CA13: variants seen among roughly 807,000 people sequenced by gnomAD.
CA13 encodes CA-XIII.
In CA13, 21 loss-of-function variants were observed where a neutral mutation model predicts 31.5. That is an observed-to-expected ratio of 0.67 (90% CI 0.47 to 0.96). The LOEUF (loss-of-function observed/expected upper bound fraction) is 0.96. CA13 is among the 40% of genes least tolerant of loss of function. The pLI, the probability that CA13 is intolerant of heterozygous loss-of-function variation, is 0.00. For missense variants in CA13, 315 were observed against 318.9 expected (o/e 0.99, Z 0.09); for synonymous variants, 117 against 111.4 (o/e 1.05, Z -0.32).
At chr8:85,275,642 C>A (rs1807591600) in intron 6 of CA13, among the ~76,000 whole-genome samples, 1 of 152,122 alleles carries the variant, frequency 6.6e-6, no homozygotes, top group African/African-American at 2.4e-5. Context: ...CTCTTTGTAT[C>A]CTCTAGCACT....
At position 85,277,526 on chromosome 8, in the gene CA13, A is replaced by G. The variant is rs1807631378; in HGVS notation, c.670-3704A>G. On this transcript the variant is annotated intron_variant, in intron 6 of 6. Transcript: ENST00000321764. ...GGTCCACAGCTTCATTCTTGAAGTC[A>G]GTGAGACCAAGAACCCACCAATTCC... is the stretch of plus-strand genomic sequence containing the variant. Among the ~76,000 whole-genome samples, 3 of 152,176 alleles carry G rather than the reference A, an allele frequency of 2.0e-5. No individual in the cohort carries two copies. In the South Asian group the frequency reaches 6.2e-4, roughly 32 times the overall value.
At chr8:85,262,417 G>C (rs1227393101) in intron 3 of CA13, among the ~76,000 whole-genome samples, 1 of 152,122 alleles carries the variant, frequency 6.6e-6, no homozygotes, top group Non-Finnish European at 1.5e-5. Flanking sequence ...GACAGCAGTG[G>C]TTTTGCATAA....
intron 2 of CA13, among the ~76,000 whole-genome samples, chr8:85,255,346 T>A (rs910250837): frequency 1.3e-5 from 2 of 151,566 alleles, no homozygotes; most frequent in African/African-American, 4.9e-5. Context: ...CACTACAACC[T>A]CTGCCTCCTG....
chr8:85,278,479 G>A (rs1433037035), intron 6 of CA13, among the ~76,000 whole-genome samples: 2 of 152,130 alleles, frequency 1.3e-5, no homozygotes, highest in African/African-American at 4.8e-5. Flanking sequence ...TTAGAACTGA[G>A]TGGACAAGGG....
intron 3 of CA13, among the ~76,000 whole-genome samples, chr8:85,263,099 G>A (rs1233901207): frequency 6.6e-6 from 1 of 152,194 alleles, no homozygotes; most frequent in African/African-American, 2.4e-5. Context: ...AAAATCTAGA[G>A]AGACCTTTCC....
chr8:85,245,511 C>A lies in CA13; in HGVS notation c.-318C>A, dbSNP rs1274083922. 3.1e-5 allele frequency: 12 copies of A among 383,692 alleles called. No homozygotes were observed. The highest frequency in any genetic ancestry group is 5.7e-5 in the Non-Finnish European group (12 of 211,614). 23.8% of individuals were successfully genotyped at this position (383,692 alleles called of 1,614,324 possible). A position where few individuals can be genotyped will look rare whatever the true frequency, so the allele number is the denominator to read the frequency against. ...CACTTTCCTCTCCCGAGTGACGACTCCTCAGAAGGCAGGAGATCCCCCCCG... is the reference window on the plus strand; with the variant it reads ...CACTTTCCTCTCCCGAGTGACGACTACTCAGAAGGCAGGAGATCCCCCCCG... On this transcript the variant is annotated 5_prime_UTR_variant, in exon 1 of 7. Transcript: ENST00000321764.
chr8:85,275,011 C>T (rs1807582506), intron 6 of CA13, among the ~76,000 whole-genome samples: 1 of 152,112 alleles, frequency 6.6e-6, no homozygotes, highest in African/African-American at 2.4e-5. Context: ...CATGAGTATG[C>T]CTGGGTTTCA....
At chr8:85,271,936 G>C (rs1282068862) in intron 6 of CA13, among the ~76,000 whole-genome samples, 1 of 152,072 alleles carries the variant, frequency 6.6e-6, no homozygotes, top group Non-Finnish European at 1.5e-5. Context: ...ACGCATGGTG[G>C]TGCATGCCTG....
At chr8:85,272,242 A>G (rs1807536966) in intron 6 of CA13, among the ~76,000 whole-genome samples, 1 of 152,100 alleles carries the variant, frequency 6.6e-6, no homozygotes, top group South Asian at 2.1e-4. Context: ...TAATCTTTTT[A>G]AGATTCACCC....
At chr8:85,272,565 T>C (rs1254367939) in intron 6 of CA13, among the ~76,000 whole-genome samples, 1 of 152,164 alleles carries the variant, frequency 6.6e-6, no homozygotes, top group Non-Finnish European at 1.5e-5. Flanking sequence ...CCCATTTCAT[T>C]AACTTTTATT....
intron 1 of CA13, among the ~76,000 whole-genome samples, chr8:85,250,394 C>T (rs1048439749): frequency 3.3e-5 from 5 of 152,174 alleles, no homozygotes; most frequent in African/African-American, 1.2e-4. Flanking sequence ...ATTTTTGGAG[C>T]TGAGACTGAA....
intron 2 of CA13, among the ~76,000 whole-genome samples, chr8:85,258,216 C>T (rs2129965614): frequency 6.6e-6 from 1 of 151,778 alleles, no homozygotes; most frequent in African/African-American, 2.4e-5. Context: ...TCCAACGCTT[C>T]CTGATTCTCC....
intron 3 of CA13, among the ~76,000 whole-genome samples, chr8:85,264,117 T>C (rs1253832955): frequency 2.0e-5 from 3 of 152,230 alleles, no homozygotes; most frequent in Admixed American, 6.5e-5. Context: ...GTTAGGCGTC[T>C]ACAAAACTAG....
At chr8:85,251,545 T>G (rs1563999417) in intron 2 of CA13, among the ~76,000 whole-genome samples, 1 of 152,210 alleles carries the variant, frequency 6.6e-6, no homozygotes, top group Non-Finnish European at 1.5e-5. Context: ...GTTTAATAGT[T>G]TTTATAGATA....
In CA13 at chr8:85,268,483, T is replaced by G. The variant is rs1467384038; in HGVS notation, c.525T>G (p.Thr175=). 7 of 1,613,984 alleles carry G rather than the reference T, an allele frequency of 4.3e-6. No individual in the cohort carries two copies. In the South Asian group the frequency reaches 7.7e-5, roughly 18 times the overall value. The part of the protein sequence containing the change: ...LDSIKEKGKQ[T]RFTNFDLLSL... ...TTTTGATCCTCCAGGGTAAACAAAC[T>G]CGATTCACAAATTTTGACCTATTGT... The change falls in exon 6 of 7, where the codon ACT becomes ACG. Residue 175 remains threonine (T), a synonymous_variant. Transcript: ENST00000321764.
chr8:85,268,675 GGC>G, intron 6 of CA13, 48 bp downstream of exon 6: 2 of 1,415,366 alleles, frequency 1.4e-6, no homozygotes, highest in Non-Finnish European at 1.9e-6. Context: ...GAGGAAACTG[GGC>G]TTTTTTTTTT....
chr8:85,245,670 C>A lies in CA13; in HGVS notation c.-159C>A. ...CCGCACGCCTCTGCCGTCTGGAGGA[C>A]GCAGGCGGGAGCGCCCCGGACCGGG... is the stretch of plus-strand genomic sequence containing the variant. On this transcript the variant is annotated 5_prime_UTR_variant, in exon 1 of 7. Coordinates refer to ENST00000321764, the MANE Select transcript of CA13 (RefSeq NM_198584.3). 1.3e-6 allele frequency: 1 copy of A among 763,488 alleles called. No individual in the cohort carries two copies. The highest frequency in any genetic ancestry group is 1.6e-5 in the South Asian group (1 of 61,418). The allele number at this position is 763,488 out of a possible 1,614,324, so 47.3% of individuals were successfully genotyped here.
chr8:85,275,482 A>G lies in CA13; in HGVS notation c.670-5748A>G, dbSNP rs147255605. On this transcript the variant is annotated intron_variant, in intron 6 of 6. Coordinates refer to ENST00000321764, the MANE Select transcript of CA13 (RefSeq NM_198584.3). Reference sequence around the variant, plus strand: ...CTGGCAATTGGACACATTCATGGTAAGGGCGATGCGTTCTCCTAGATCTAC... The same window carrying G: ...CTGGCAATTGGACACATTCATGGTAGGGGCGATGCGTTCTCCTAGATCTAC... 7.4e-3 allele frequency among the ~76,000 whole-genome samples: 1,122 copies of G among 152,236 alleles called. 15 individuals carry two copies. The highest frequency in any genetic ancestry group is 0.023 in the African/African-American group (954 of 41,536).
intron 6 of CA13, among the ~76,000 whole-genome samples, chr8:85,280,646 T>C: frequency 6.6e-6 from 1 of 152,342 alleles, no homozygotes; most frequent in South Asian, 2.1e-4. Context: ...TTTGAGAAGA[T>C]AAAATTAGTT....
Sources: gnomAD v4.1 joint callset for allele counts (sites outside exome capture counted in the v4.1 genomes callset) on GRCh38, gnomAD v4.1.1 for gene constraint, MANE v1.5 for transcripts, NCBI Gene and HGNC (gene_info 2026-07-23, HGNC 2026-07-21) for gene names.